The following ANKS1A variants were observed in gnomAD, a reference collection of about 807,000 sequenced individuals.
The protein encoded by ANKS1A is ankyrin repeat and SAM domain-containing protein 1A.
In ANKS1A, 55 loss-of-function variants were observed where a neutral mutation model predicts 120.3. The observed-to-expected ratio is 0.46, with a 90% CI of 0.37 to 0.57. The LOEUF (loss-of-function observed/expected upper bound fraction) is 0.57, where lower values mean the gene tolerates loss of function less well. Ranked by LOEUF, ANKS1A falls within the 20% of genes least tolerant of loss-of-function variation. The probability of loss-of-function intolerance (pLI) is 0.00; values close to 1 mark genes in which losing one functional copy is unlikely to be tolerated. For synonymous variants in ANKS1A, 590 were observed against 604.7 expected (o/e 0.98, Z 0.36); for missense variants, 1,123 against 1,480.3 (o/e 0.76, Z 3.96).
intron 10 of ANKS1A, 136 bp from the exon 11 acceptor site, chr6:35,017,337 C>T: frequency 2.4e-6 from 2 of 848,930 alleles, no homozygotes; most frequent in South Asian, 1.9e-5. Flanking sequence ...CTCCTCTCCC[C>T]CTCCCCAGCC....
Position 35,017,552 on chromosome 6 carries a change from C to A in ANKS1A, c.1503C>A (p.Gly501=), listed in dbSNP as rs2127558075. The change falls in exon 11 of 24, where the codon GGC becomes GGA. Residue 501 remains glycine (G), a synonymous_variant. Transcript: ENST00000360359. The stretch of plus-strand genomic sequence containing the variant: ...GGCAGGTCCCAGAGCAGTTCTCAGG[C>A]CTCCTCCACGGCTCCTCCCCGGTGT... ...QDGQVPEQFS[G]LLHGSSPVCE... is the part of the protein sequence containing the mutation. 1 of 1,614,100 alleles carries A rather than the reference C, an allele frequency of 6.2e-7. No homozygotes were observed. Among genetic ancestry groups the A allele is most frequent in the Non-Finnish European group, 8.5e-7 (1 of 1,180,002 alleles).
chr6:34,953,446 A>G (rs1187006500), intron 1 of ANKS1A, among the ~76,000 whole-genome samples: 3 of 152,296 alleles, frequency 2.0e-5, no homozygotes, highest in African/African-American at 7.2e-5. Flanking sequence ...CTTCTAGGAA[A>G]GAAGGTTCTG....
At chr6:34,946,345 T>C (rs1769795963) in intron 1 of ANKS1A, among the ~76,000 whole-genome samples, 1 of 151,276 alleles carries the variant, frequency 6.6e-6, no homozygotes, top group African/African-American at 2.4e-5. Flanking sequence ...CCCAGCACTT[T>C]GGGAGGCCGA....
At chr6:34,932,768 G>A (rs1217253315) in intron 1 of ANKS1A, among the ~76,000 whole-genome samples, 4 of 152,118 alleles carry the variant, frequency 2.6e-5, no homozygotes, top group African/African-American at 7.2e-5. Flanking sequence ...GGAAATTTAT[G>A]TTGTTTCCAT....
chr6:34,975,264 G>A (rs1319022556), intron 3 of ANKS1A, among the ~76,000 whole-genome samples: 1 of 152,036 alleles, frequency 6.6e-6, no homozygotes, highest in African/African-American at 2.4e-5. Flanking sequence ...GACCAGCCTG[G>A]CCAACATGGC....
the ANKS1A span, among the ~76,000 whole-genome samples, chr6:35,097,415 G>A: frequency 6.6e-6 from 1 of 151,678 alleles, no homozygotes; most frequent in Non-Finnish European, 1.5e-5. Context: ...AGGCTGAGGC[G>A]GGAGAATCGC....
At chr6:35,072,644 G>A (rs1004095213) in intron 13 of ANKS1A, among the ~76,000 whole-genome samples, 34 of 152,156 alleles carry the variant, frequency 2.2e-4, no homozygotes, top group African/African-American at 7.0e-4. Context: ...TGGCATTTCT[G>A]AACCCACTCA....
intron 1 of ANKS1A, among the ~76,000 whole-genome samples, chr6:34,965,077 A>C (rs1170438440): frequency 1.3e-5 from 2 of 152,142 alleles, no homozygotes. Context: ...ATAGCTCTCT[A>C]TCTGTGTAGG....
rs1016395300 is a variant in ANKS1A, at chr6:34,971,545, G to A, written c.435+1379G>A. Among the ~76,000 whole-genome samples the A allele has an allele frequency of 4.6e-5, 7 of 152,164 alleles. No homozygotes were observed. The East Asian group carries it at 1.3e-3, about 29-fold the overall frequency. On this transcript the variant is annotated intron_variant, in intron 3 of 23. Transcript: ENST00000360359. Reference sequence around the variant, plus strand: ...AAGCAGATACTTTTCTCAGTTCCTAGAAGGAGGGAGATATTGATGTTTCTC... The same window carrying A: ...AAGCAGATACTTTTCTCAGTTCCTAAAAGGAGGGAGATATTGATGTTTCTC...
chr6:34,938,082 G>T (rs1769347087), intron 1 of ANKS1A, among the ~76,000 whole-genome samples: 1 of 152,084 alleles, frequency 6.6e-6, no homozygotes, highest in African/African-American at 2.4e-5. Flanking sequence ...AGCTGGGAAA[G>T]GTCTGATATG....
chr6:34,905,869 A>G (rs1767622404), intron 1 of ANKS1A, among the ~76,000 whole-genome samples: 1 of 152,160 alleles, frequency 6.6e-6, no homozygotes, highest in South Asian at 2.1e-4. Flanking sequence ...TGTCTGGATC[A>G]CTGGGGTCTG....
chr6:34,930,470 G>A (rs1237836785), intron 1 of ANKS1A, among the ~76,000 whole-genome samples: 4 of 152,198 alleles, frequency 2.6e-5, no homozygotes, highest in African/African-American at 9.7e-5. Context: ...TTCCCTGTGT[G>A]TGTGACCTGG....
At position 34,980,995 on chromosome 6, in the gene ANKS1A, G is replaced by A. The variant is rs1417269033; in HGVS notation, c.436-695G>A. On this transcript the variant is annotated intron_variant, in intron 3 of 23. Coordinates refer to ENST00000360359, the MANE Select transcript of ANKS1A (RefSeq NM_015245.3). ...TTTCTTACATAAGAAACATCTTCCC[G>A]TGCTGGCTGCCATTTTAATGAAGTA... Among the ~76,000 whole-genome samples, 4 of 152,108 alleles carry A rather than the reference G, an allele frequency of 2.6e-5. No homozygotes were observed. In the South Asian group the frequency reaches 6.2e-4, roughly 24 times the overall value.
At chr6:35,048,099 C>A (rs541500850) in intron 11 of ANKS1A, among the ~76,000 whole-genome samples, 1 of 152,178 alleles carries the variant, frequency 6.6e-6, no homozygotes, top group African/African-American at 2.4e-5. Context: ...GCCAGAGCTC[C>A]GTGGCTTTCC....
rs200645702 is a variant in ANKS1A at position 34,980,378 on chromosome 6, C to G, written c.436-1312C>G. Among the ~76,000 whole-genome samples the G allele has an allele frequency of 9.2e-5, 14 of 152,270 alleles. No individual in the cohort carries two copies. In the East Asian group the frequency reaches 2.7e-3, roughly 29 times the overall value. ...AATTTTTCTTTGCCATCGTTCTCAC[C>G]TTTTGGGGAGTTGTTCCCAGCAGCT... On this transcript the variant is annotated intron_variant, in intron 3 of 23. Coordinates refer to ENST00000360359, the MANE Select transcript of ANKS1A (RefSeq NM_015245.3).
At chr6:35,001,382 G>A (rs548771906) in intron 10 of ANKS1A, among the ~76,000 whole-genome samples, 2 of 152,224 alleles carry the variant, frequency 1.3e-5, no homozygotes, top group African/African-American at 4.8e-5. Context: ...AAAAGCAATT[G>A]TTATGCTTGT....
chr6:34,926,238 C>T (rs997879923), intron 1 of ANKS1A, among the ~76,000 whole-genome samples: 3 of 152,152 alleles, frequency 2.0e-5, no homozygotes, highest in Non-Finnish European at 4.4e-5. Context: ...GAAGGATGCT[C>T]ACCTGTGAGA....
chr6:34,964,380 C>T (rs1048448857), intron 1 of ANKS1A, among the ~76,000 whole-genome samples: 1 of 152,134 alleles, frequency 6.6e-6, no homozygotes, highest in African/African-American at 2.4e-5. Flanking sequence ...CTGCAGTGCT[C>T]CCTAACACAG....
At chr6:34,901,911 AAGG>A (rs1412452492) in intron 1 of ANKS1A, among the ~76,000 whole-genome samples, 1 of 152,246 alleles carries the variant, frequency 6.6e-6, no homozygotes, top group Non-Finnish European at 1.5e-5. Flanking sequence ...TGGAAAGTAT[AAGG>A]AGAAGGTAGT....
Sources: gnomAD v4.1 joint callset for allele counts (sites outside exome capture counted in the v4.1 genomes callset) on GRCh38, gnomAD v4.1.1 for gene constraint, MANE v1.5 for transcripts, NCBI Gene and HGNC (gene_info 2026-07-23, HGNC 2026-07-21) for gene names.